Variants in KLRG1 observed in about 807,000 individuals in gnomAD.
The protein encoded by KLRG1 is killer cell lectin-like receptor subfamily G member 1.
A neutral mutation model predicts 21.8 loss-of-function variants in KLRG1; 16 were observed. The observed-to-expected ratio is 0.73, with a 90% CI of 0.50 to 1.11. The LOEUF (loss-of-function observed/expected upper bound fraction) is 1.11. Among genes scored for constraint, KLRG1 ranks in the 50% most tolerant of loss-of-function variants. KLRG1 has a pLI of 0.00. For missense variants in KLRG1, 173 were observed against 218.3 expected, an observed-to-expected ratio of 0.79 and a Z score of 1.31; for synonymous variants, 69 against 75.9, an observed-to-expected ratio of 0.91 and a Z score of 0.47.
At chr12:9,210,955 T>A in the KLRG1 span, among the ~76,000 whole-genome samples, 1 of 152,198 alleles carries the variant, frequency 6.6e-6, no homozygotes, top group African/African-American at 2.4e-5. Context: ...TTGATAAATA[T>A]CTTTTTACAT....
chr12:9,067,467 G>A, the KLRG1 span: 1 of 293,436 alleles, frequency 3.4e-6, no homozygotes, highest in South Asian at 4.3e-5. Context: ...CACCCTTTGG[G>A]TTTTTCATAG....
the KLRG1 span, among the ~76,000 whole-genome samples, chr12:9,153,715 G>T: frequency 6.6e-6 from 1 of 152,070 alleles, no homozygotes; most frequent in African/African-American, 2.4e-5. Flanking sequence ...ACATGAAAAT[G>T]GTATGAGACA....
the KLRG1 span, among the ~76,000 whole-genome samples, chr12:9,030,508 A>G: frequency 1.3e-5 from 2 of 151,878 alleles, no homozygotes; most frequent in African/African-American, 2.4e-5. Flanking sequence ...CCGGATTCAC[A>G]TGATTCTCCT....
chr12:9,009,619 C>G lies in KLRG1; in HGVS notation c.*82C>G. ...GCTGGCCACTGGCTGTTGGGAAAGC[C>G]ATGAGTATATAGTTAGCAAATACTG... On this transcript the variant is annotated 3_prime_UTR_variant, in exon 5 of 5. Coordinates refer to ENST00000356986, the MANE Select transcript of KLRG1 (RefSeq NM_005810.4). 6.4e-7 allele frequency: 1 copy of G among 1,563,846 alleles called. No homozygotes were observed.
At chr12:9,029,861 A>C in the KLRG1 span, among the ~76,000 whole-genome samples, 8 of 152,104 alleles carry the variant, frequency 5.3e-5, no homozygotes, top group Non-Finnish European at 8.8e-5. Context: ...GGTACGAGCG[A>C]TTCTCATGCC....
intron 1 of KLRG1, among the ~76,000 whole-genome samples, chr12:8,961,606 A>C (rs2137217878): frequency 6.6e-6 from 1 of 151,274 alleles, no homozygotes; most frequent in Non-Finnish European, 1.5e-5. Context: ...TTTTTAGTAG[A>C]GACAGAGTTT....
At chr12:9,196,994 A>G in the KLRG1 span, 1 of 1,514,590 alleles carries the variant, frequency 6.6e-7, no homozygotes, top group African/African-American at 1.4e-5. Flanking sequence ...GCACTGAGGG[A>G]GAATACCGCC....
chr12:9,043,249 T>C, the KLRG1 span, among the ~76,000 whole-genome samples: 1 of 152,142 alleles, frequency 6.6e-6, no homozygotes, highest in African/African-American at 2.4e-5. Context: ...TTAATTTTTG[T>C]ATTTTTTTAG....
chr12:9,013,042 A>G (rs1947654039), downstream of KLRG1, among the ~76,000 whole-genome samples: 1 of 152,186 alleles, frequency 6.6e-6, no homozygotes, highest in African/African-American at 2.4e-5. Flanking sequence ...AAAGTAACAG[A>G]AGATAACAAG....
At position 9,008,844 on chromosome 12, in the gene KLRG1, G is replaced by A. The variant is rs575480033; in HGVS notation, c.358-131G>A. The A allele has an allele frequency of 9.5e-6, 6 of 630,490 alleles. No individual in the cohort carries two copies. In the African/African-American group the frequency reaches 1.1e-4, roughly 12 times the overall value. The allele number at this position is 630,490 out of a possible 1,614,324, so 39.1% of individuals were successfully genotyped here. ...TTCAGTCCTTAAGAGTGGTGATGAT[G>A]GAGGCTGTAAGGAATGCTAGTTTGT... is the stretch of plus-strand genomic sequence containing the variant. On this transcript the variant is annotated intron_variant, in intron 3 of 4. Coordinates refer to ENST00000356986, the MANE Select transcript of KLRG1 (RefSeq NM_005810.4).
the KLRG1 span, among the ~76,000 whole-genome samples, chr12:9,075,513 T>C: frequency 6.6e-6 from 1 of 152,216 alleles, no homozygotes; most frequent in Non-Finnish European, 1.5e-5. Flanking sequence ...TAATATATTA[T>C]GCAGCAGTGA....
chr12:9,199,381 G>T, the KLRG1 span, among the ~76,000 whole-genome samples: 1 of 152,236 alleles, frequency 6.6e-6, no homozygotes, highest in African/African-American at 2.4e-5. Flanking sequence ...TACATATGAA[G>T]AAAAGGAGAA....
At chr12:9,074,707 A>T in the KLRG1 span, 1 of 1,614,050 alleles carries the variant, frequency 6.2e-7, no homozygotes, top group South Asian at 1.1e-5. Flanking sequence ...CCACCTCAGC[A>T]GAGGGAGCCT....
At chr12:9,090,111 T>TAA in the KLRG1 span, 2 of 1,528,544 alleles carry the variant, frequency 1.3e-6, no homozygotes, top group Non-Finnish European at 1.8e-6. Context: ...CAATGCTCTG[T>TAA]AAACTTTTGT....
the KLRG1 span, among the ~76,000 whole-genome samples, chr12:9,043,189 G>A: frequency 6.7e-6 from 1 of 149,904 alleles, no homozygotes; most frequent in South Asian, 2.1e-4. Context: ...AATTCTCCCT[G>A]CCTCAGCCTC....
chr12:9,099,568 C>T, the KLRG1 span: 13 of 1,566,648 alleles, frequency 8.3e-6, no homozygotes, highest in Non-Finnish European at 1.1e-5. Flanking sequence ...AGGTTAATGA[C>T]TATTTCCATT....
chr12:9,215,206 A>C, the KLRG1 span, among the ~76,000 whole-genome samples: 3 of 152,038 alleles, frequency 2.0e-5, no homozygotes, highest in African/African-American at 7.2e-5. Context: ...GACACTGTGA[A>C]CTTTGATATT....
chr12:9,089,193 C>T, the KLRG1 span: 1 of 1,577,330 alleles, frequency 6.3e-7, no homozygotes, highest in Non-Finnish European at 8.6e-7. Flanking sequence ...TGATGGTTGA[C>T]TCTTACCTGA....
At chr12:9,212,370 A>G in the KLRG1 span, among the ~76,000 whole-genome samples, 8 of 152,214 alleles carry the variant, frequency 5.3e-5, no homozygotes, top group Non-Finnish European at 1.2e-4. Context: ...TGAGGGCAAG[A>G]CTGCTCTTAG....
Sources: allele counts gnomAD v4.1 joint callset (sites outside exome capture counted in the v4.1 genomes callset), GRCh38; gene constraint gnomAD v4.1.1; transcripts MANE v1.5; gene names NCBI Gene and HGNC (gene_info 2026-07-23, HGNC 2026-07-21).